Variants in PKD1L3 observed in about 807,000 individuals in gnomAD.
PKD1L3 encodes polycystin-1-like protein 3.
Under a neutral mutation model 184.1 loss-of-function variants are expected in PKD1L3, and 239 were observed. That is an observed-to-expected ratio of 1.30 (90% CI 1.17 to 1.45). PKD1L3 has a LOEUF of 1.45. Among genes scored for constraint, PKD1L3 ranks in the 40% most tolerant of loss-of-function variants. The probability of loss-of-function intolerance (pLI) is 0.00; values close to 1 mark genes in which losing one functional copy is unlikely to be tolerated. For synonymous variants in PKD1L3, 996 were observed against 778.8 expected (o/e 1.28, Z -4.64); for missense variants, 2,660 against 2,067.2 (o/e 1.29, Z -5.56).
At position 72,000,004 on chromosome 16, in the gene PKD1L3, G is replaced by C. The variant is rs995656653; in HGVS notation, c.-26C>G. ...TTTCTCTGAATTGTAGCAAGAAAAA[G>C]TGTGGGGGTTTAGCAGCTGCCTGGT... On this transcript the variant is annotated 5_prime_UTR_variant, in exon 1 of 30. Coordinates refer to ENST00000620267, the MANE Select transcript of PKD1L3 (RefSeq NM_181536.2). The C allele has an allele frequency of 1.1e-5, 17 of 1,483,794 alleles. No homozygotes were observed. The highest frequency in any genetic ancestry group is 1.5e-5 in the Non-Finnish European group (17 of 1,109,466). The allele number at this position is 1,483,794 out of a possible 1,614,324, so 91.9% of individuals were successfully genotyped here.
intron 13 of PKD1L3, among the ~76,000 whole-genome samples, chr16:71,968,723 G>A (rs1567525644): frequency 1.3e-5 from 2 of 151,934 alleles, no homozygotes; most frequent in South Asian, 2.1e-4. Flanking sequence ...AGCCTCCTGA[G>A]TAGTTGGGAC....
chr16:71,937,826 C>T (rs2038232244), intron 24 of PKD1L3, among the ~76,000 whole-genome samples: 2 of 152,280 alleles, frequency 1.3e-5, no homozygotes, highest in South Asian at 4.1e-4. Context: ...AGGCTTCAGC[C>T]TCCACCTGGA....
intron 12 of PKD1L3, among the ~76,000 whole-genome samples, chr16:71,971,355 G>A (rs747853761): frequency 7.2e-5 from 11 of 152,152 alleles, no homozygotes; most frequent in Non-Finnish European, 1.5e-4. Context: ...GTGATTACAT[G>A]GAAGCTACCA....
intron 16 of PKD1L3, among the ~76,000 whole-genome samples, chr16:71,958,823 A>G (rs1202998107): frequency 3.5e-5 from 5 of 142,410 alleles, no homozygotes; most frequent in African/African-American, 1.3e-4. Flanking sequence ...ACGGTGGCTC[A>G]CACCTGTAAT....
In PKD1L3 at chr16:71,942,967, T is replaced by A; in HGVS notation, c.3917A>T (p.Asn1306Ile). 3 of 1,551,552 alleles carry A rather than the reference T, an allele frequency of 1.9e-6. No individual in the cohort carries two copies. The highest frequency in any genetic ancestry group is 1.7e-4 in the Middle Eastern group (1 of 5,992). ...GATAGCTTGGTGGAGGTAAAATCTA[T>A]TGGAGTTCTTTGCAGAGTAGATTGC... Reference protein sequence around the residue: ...MTAIYSAKNSNRFYLHQAIWK... With the variant: ...MTAIYSAKNSIRFYLHQAIWK... The change falls in exon 24 of 30, where the codon AAT (asparagine) becomes ATT (isoleucine). Residue 1306 changes from asparagine to isoleucine, a missense_variant. Physicochemically the swap from Asn to Ile is moderately radical, Grantham distance 149. Transcript: ENST00000620267.
chr16:71,976,493 G>A (rs1291842102), intron 11 of PKD1L3, among the ~76,000 whole-genome samples: 1 of 150,596 alleles, frequency 6.6e-6, no homozygotes, highest in African/African-American at 2.4e-5. Context: ...CTGACCTCAG[G>A]TGATCCACCC....
At chr16:71,943,156 T>C in intron 23 of PKD1L3, 132 bp from the exon 24 acceptor site, 1 of 642,746 alleles carries the variant, frequency 1.6e-6, no homozygotes, top group African/African-American at 1.8e-5. Flanking sequence ...TTTCATATGG[T>C]TCAATCTAAT....
At chr16:71,947,921 T>C (rs1346169440) in intron 21 of PKD1L3, among the ~76,000 whole-genome samples, 1 of 11,890 alleles carries the variant, frequency 8.4e-5, no homozygotes, top group Non-Finnish European at 2.2e-4. Context: ...ATCCAGACTC[T>C]TTTTTTTTTT....
Position 71,947,966 on chromosome 16 carries a change from G to A in PKD1L3, c.3619-375C>T, listed in dbSNP as rs2038684775. ...GAGTCTCGCTCTGTCACCCAGGCTG[G>A]AATGCAGTGGCGCAATCTCGGCTCA... On this transcript the variant is annotated intron_variant, in intron 21 of 29. Transcript: ENST00000620267. 4.0e-5 allele frequency among the ~76,000 whole-genome samples: 6 copies of A among 151,554 alleles called. No individual in the cohort carries two copies. In the South Asian group the frequency reaches 1.3e-3, roughly 32 times the overall value.
chr16:71,932,780 CT>C (rs71153681), intron 28 of PKD1L3, among the ~76,000 whole-genome samples: 7,645 of 96,974 alleles, frequency 0.079, 314 homozygotes, highest in African/African-American at 0.17. Flanking sequence ...CGCACCTGGC[CT>C]TTTTTTTTTT....
rs1034048895 is a variant in PKD1L3, at chr16:71,949,949, T to G, written c.3452A>C (p.Lys1151Thr). 1.9e-6 allele frequency: 3 copies of G among 1,551,592 alleles called. No homozygotes were observed. Among genetic ancestry groups the G allele is most frequent in the Non-Finnish European group, 2.6e-6 (3 of 1,146,998 alleles). Reference sequence around the variant, plus strand: ...GAGCCAGCAGACTGAAGTCAACCATTTGGACAGGCCATTTGAGATGGGCTT... The same window carrying G: ...GAGCCAGCAGACTGAAGTCAACCATGTGGACAGGCCATTTGAGATGGGCTT... The part of the protein sequence containing the change: ...GKKPISNGLS[K>T]WLTSVCWLLL... Residue 1151 changes from lysine (K) to threonine (T), a missense_variant, in exon 21 of 30, where the codon AAA becomes ACA. Coordinates refer to ENST00000620267, the MANE Select transcript of PKD1L3 (RefSeq NM_181536.2).
chr16:71,942,104 C>T (rs1482657184), intron 24 of PKD1L3, among the ~76,000 whole-genome samples: 1 of 151,662 alleles, frequency 6.6e-6, no homozygotes, highest in African/African-American at 2.4e-5. Context: ...CACTTGAGGT[C>T]AGGAGTTCAA....
intron 13 of PKD1L3, 22 bp downstream of exon 13, chr16:71,969,853 G>A (rs761736771): frequency 6.4e-5 from 98 of 1,525,762 alleles, no homozygotes; most frequent in Non-Finnish European, 2.9e-5. Context: ...TGGCAAATCT[G>A]TTGAAATCAA....
chr16:71,935,427 AG>A lies in PKD1L3; in HGVS notation c.4543del (p.Leu1515TrpfsTer5). 6.4e-7 allele frequency: 1 copy of A among 1,551,988 alleles called. No individual in the cohort carries two copies. The highest frequency in any genetic ancestry group is 1.4e-5 in the African/African-American group (1 of 73,156). On this transcript the variant is annotated frameshift_variant, in exon 26 of 30. Coordinates refer to ENST00000620267, the MANE Select transcript of PKD1L3 (RefSeq NM_181536.2). LOFTEE classifies it high-confidence loss of function. Reference protein sequence around the residue: ...TSIILISFILLGLDMKSISLH... With the variant: ...TSIILISFILXGLDMKSISLH... Reference sequence around the variant, plus strand: ...AGAAATACTCTTCATGTCAAGCCCCAGGAGGATGAAGCTAATGAGGATTATA... The same window carrying A: ...AGAAATACTCTTCATGTCAAGCCCCAGAGGATGAAGCTAATGAGGATTATA...
chr16:71,948,042 G>A lies in PKD1L3; in HGVS notation c.3619-451C>T, dbSNP rs182180108. Reference sequence around the variant, plus strand: ...AGCGATTCTCTTCCTTCAGCCTCCCGAGTAGCTGGGACTACAGGTGCATAC... The same window carrying A: ...AGCGATTCTCTTCCTTCAGCCTCCCAAGTAGCTGGGACTACAGGTGCATAC... On this transcript the variant is annotated intron_variant, in intron 21 of 29. Transcript: ENST00000620267. Among the ~76,000 whole-genome samples the A allele has an allele frequency of 4.7e-4, 71 of 151,336 alleles. 1 individual carries two copies. In the East Asian group the frequency reaches 0.012, roughly 26 times the overall value.
chr16:71,971,436 G>T (rs1258298225), intron 12 of PKD1L3, among the ~76,000 whole-genome samples: 1 of 152,180 alleles, frequency 6.6e-6, no homozygotes, highest in African/African-American at 2.4e-5. Context: ...CCATGGCACA[G>T]AATTAAGTCC....
At chr16:71,983,472 G>T (rs992750726) in intron 6 of PKD1L3, among the ~76,000 whole-genome samples, 1 of 152,028 alleles carries the variant, frequency 6.6e-6, no homozygotes, top group African/African-American at 2.4e-5. Context: ...TCTAACAAAT[G>T]CATCAGCAAG....
chr16:71,948,694 G>A (rs2038711421), intron 21 of PKD1L3, among the ~76,000 whole-genome samples: 1 of 147,294 alleles, frequency 6.8e-6, no homozygotes, highest in South Asian at 2.2e-4. Flanking sequence ...AAACAAAAAT[G>A]CAATATTATC....
intron 2 of PKD1L3, among the ~76,000 whole-genome samples, chr16:71,994,949 T>G (rs1316946544): frequency 6.6e-6 from 1 of 152,064 alleles, no homozygotes; most frequent in Non-Finnish European, 1.5e-5. Flanking sequence ...GATCACGCCA[T>G]TACACTCCAG....
Sources: allele counts gnomAD v4.1 joint callset (sites outside exome capture counted in the v4.1 genomes callset), GRCh38; gene constraint gnomAD v4.1.1; transcripts MANE v1.5; gene names NCBI Gene and HGNC (gene_info 2026-07-23, HGNC 2026-07-21).